SASH1: variants seen among roughly 807,000 people sequenced by gnomAD.
SASH1 encodes the protein SAM and SH3 domain containing 1.
SASH1 carries 44 observed loss-of-function variants against 125.2 expected under a neutral mutation model. That is an observed-to-expected ratio of 0.35 (90% CI 0.28 to 0.45). The LOEUF (loss-of-function observed/expected upper bound fraction) is 0.45. Ranked by LOEUF, SASH1 falls within the 20% of genes least tolerant of loss-of-function variation. The probability of loss-of-function intolerance (pLI) is 1.00; values close to 1 mark genes in which losing one functional copy is unlikely to be tolerated. For missense variants in SASH1, 1,426 were observed against 1,614.5 expected, an observed-to-expected ratio of 0.88 and a Z score of 2.00; for synonymous variants, 639 against 649.1, an observed-to-expected ratio of 0.98 and a Z score of 0.24.
chr6:148,204,314 A>G, the SASH1 span, among the ~76,000 whole-genome samples: 2 of 152,238 alleles, frequency 1.3e-5, no homozygotes, highest in South Asian at 2.1e-4. Context: ...AAAGAGACCA[A>G]TTTCACAGGG....
chr6:148,422,906 T>G (rs73011358), intron 2 of SASH1, among the ~76,000 whole-genome samples: 1 of 152,092 alleles, frequency 6.6e-6, no homozygotes, highest in African/African-American at 2.4e-5. Context: ...TCAAATAATA[T>G]GATATCTATC....
At chr6:148,417,938 C>T (rs930343209) in intron 2 of SASH1, among the ~76,000 whole-genome samples, 11 of 152,102 alleles carry the variant, frequency 7.2e-5, no homozygotes, top group Non-Finnish European at 1.5e-4. Context: ...AACCAGAAAG[C>T]GCTACAGAAG....
At chr6:148,298,756 A>AAAAGAGAG (rs142833448) in intron 1 of SASH1, among the ~76,000 whole-genome samples, 49,852 of 122,158 alleles carry the variant, frequency 0.41, 11,803 homozygotes, top group African/African-American at 0.52. Flanking sequence ...AGGAAGGAAG[A>AAAAGAGAG]AAAGAGAGAA....
chr6:148,257,670 C>T, the SASH1 span, among the ~76,000 whole-genome samples: 1 of 138,234 alleles, frequency 7.2e-6, no homozygotes, highest in Non-Finnish European at 1.5e-5. Context: ...CTCACTCTGT[C>T]GCCAGGCTAG....
intron 1 of SASH1, among the ~76,000 whole-genome samples, chr6:148,365,571 T>C (rs1562354512): frequency 6.6e-6 from 1 of 152,192 alleles, no homozygotes. Flanking sequence ...ATTCAAATGA[T>C]GCATCCTCCA....
At chr6:148,452,882 C>T (rs56895609) in intron 4 of SASH1, among the ~76,000 whole-genome samples, 2,468 of 152,318 alleles carry the variant, frequency 0.016, 32 homozygotes, top group Non-Finnish European at 0.024. Flanking sequence ...GCAATGGGGG[C>T]GACTAGGAAA....
At chr6:148,260,567 C>A in the SASH1 span, among the ~76,000 whole-genome samples, 1 of 147,222 alleles carries the variant, frequency 6.8e-6, no homozygotes, top group Non-Finnish European at 1.5e-5. Context: ...GATCATGCCA[C>A]TACACTCCAA....
the SASH1 span, among the ~76,000 whole-genome samples, chr6:148,196,500 G>T: frequency 1.3e-5 from 2 of 152,194 alleles, no homozygotes; most frequent in Non-Finnish European, 2.9e-5. Context: ...GCATAGTCCT[G>T]TCTGATCATC....
chr6:148,211,200 T>C, the SASH1 span, among the ~76,000 whole-genome samples: 2 of 152,232 alleles, frequency 1.3e-5, no homozygotes, highest in Non-Finnish European at 2.9e-5. Context: ...GACCCTGTGC[T>C]AGGAATAAAT....
chr6:148,513,445 C>G (rs1405582648), intron 8 of SASH1: 6 of 985,354 alleles, frequency 6.1e-6, no homozygotes, highest in Non-Finnish European at 7.2e-6. Context: ...ACAGATACAA[C>G]AGAGGAAGCT....
the SASH1 span, among the ~76,000 whole-genome samples, chr6:148,194,676 G>A: frequency 6.6e-6 from 1 of 152,222 alleles, no homozygotes; most frequent in African/African-American, 2.4e-5. Context: ...GGGAGGCCAA[G>A]GCGGGAGGAT....
rs28832381 is a variant in SASH1 at position 148,387,659 on chromosome 6, T to G, written c.157-2475T>G. 1.5e-4 allele frequency among the ~76,000 whole-genome samples: 13 copies of G among 88,720 alleles called. 1 individual carries two copies. Among genetic ancestry groups the G allele is most frequent in the African/African-American group, 6.2e-4 (13 of 21,096 alleles). 58.2% of individuals were successfully genotyped at this position (88,720 alleles called of 152,430 possible). A position where few individuals can be genotyped will look rare whatever the true frequency, so the allele number is the denominator to read the frequency against. On this transcript the variant is annotated intron_variant, in intron 1 of 19. Transcript: ENST00000367467. ...TTCTTTCTTTCTTTCTTTCTTTCTTTCTTTCTTTCTTTCTTTCTTTCTTTC... is the reference window on the plus strand; with the variant it reads ...TTCTTTCTTTCTTTCTTTCTTTCTTGCTTTCTTTCTTTCTTTCTTTCTTTC...
chr6:148,404,651 C>G, intron 2 of SASH1, among the ~76,000 whole-genome samples: 1 of 122,796 alleles, frequency 8.1e-6, no homozygotes, highest in South Asian at 3.2e-4. Context: ...CCAGTTCCAT[C>G]CCAGCCCTAT....
In SASH1 at chr6:148,512,029, A is replaced by T. The variant is rs535268214; in HGVS notation, c.730-2295A>T. ...CATTTATTTATTTATTTATTTATTTATTTTTTTGAGACAGAGTCTCGCTCT... is the reference window on the plus strand; with the variant it reads ...CATTTATTTATTTATTTATTTATTTTTTTTTTTGAGACAGAGTCTCGCTCT... On this transcript the variant is annotated intron_variant, in intron 8 of 19. Transcript: ENST00000367467. Among the ~76,000 whole-genome samples the T allele has an allele frequency of 6.5e-3, 941 of 145,526 alleles. 12 individuals are homozygous for T. Among genetic ancestry groups the T allele is most frequent in the African/African-American group, 0.021 (864 of 40,514 alleles).
intron 1 of SASH1, among the ~76,000 whole-genome samples, chr6:148,330,875 C>T (rs879829434): frequency 2.0e-5 from 3 of 152,270 alleles, no homozygotes; most frequent in Middle Eastern, 6.8e-3. Context: ...TGTGAGCTAC[C>T]GTGCCTGGCC....
chr6:148,512,032 T>TATTTATTTATTTA (rs1554267040), intron 8 of SASH1, among the ~76,000 whole-genome samples: 1 of 151,822 alleles, frequency 6.6e-6, no homozygotes, highest in African/African-American at 2.4e-5. Context: ...TTTATTTATT[T>TATTTATTTATTTA]TTTTGAGACA....
Position 148,471,411 on chromosome 6 carries a change from T to TTA in SASH1, c.428-5_428-4insAT. ...CTTTTTTTTTTTTTTTTTTTTTTTTTTTAAGGAAAAGGAGACTGGAAGAAG... is the reference window on the plus strand; with the variant it reads ...CTTTTTTTTTTTTTTTTTTTTTTTTTTATTAAGGAAAAGGAGACTGGAAGAAG... On this transcript the variant is annotated splice_region_variant and splice_polypyrimidine_tract_variant and intron_variant, in intron 5 of 19. Coordinates refer to ENST00000367467, the MANE Select transcript of SASH1 (RefSeq NM_015278.5). The TTA allele has an allele frequency of 8.2e-7, 1 of 1,224,398 alleles. No individual in the cohort carries two copies. Among genetic ancestry groups the TTA allele is most frequent in the Non-Finnish European group, 1.1e-6 (1 of 891,512 alleles). 75.8% of individuals were successfully genotyped at this position (1,224,398 alleles called of 1,614,324 possible).
intron 1 of SASH1, among the ~76,000 whole-genome samples, chr6:148,320,355 C>G (rs879559799): frequency 7.2e-5 from 11 of 152,246 alleles, no homozygotes; most frequent in Non-Finnish European, 1.5e-4. Context: ...GGGCCACCCC[C>G]CTTGATAGCG....
At chr6:148,456,453 A>G (rs182274473) in intron 4 of SASH1, among the ~76,000 whole-genome samples, 165 of 152,314 alleles carry the variant, frequency 1.1e-3, no homozygotes, top group African/African-American at 3.9e-3. Flanking sequence ...ACATTTCCCC[A>G]TAGAAAAGCC....
Sources: gnomAD v4.1 joint callset for allele counts (sites outside exome capture counted in the v4.1 genomes callset) on GRCh38, gnomAD v4.1.1 for gene constraint, MANE v1.5 for transcripts, NCBI Gene and HGNC (gene_info 2026-07-23, HGNC 2026-07-21) for gene names.